EXOC4: variants seen among roughly 807,000 people sequenced by gnomAD.
EXOC4 encodes the protein SEC8-like 1.
In EXOC4, 71 loss-of-function variants were observed where a neutral mutation model predicts 107.2. That is an observed-to-expected ratio of 0.66 (90% confidence interval 0.55 to 0.81). The LOEUF (loss-of-function observed/expected upper bound fraction) is 0.81. EXOC4 is among the 30% of genes least tolerant of loss of function. The probability of loss-of-function intolerance (pLI) is 0.00; values close to 1 mark genes in which losing one functional copy is unlikely to be tolerated. For synonymous variants in EXOC4, 456 were observed against 441.2 expected, an observed-to-expected ratio of 1.03 and a Z score of -0.42; for missense variants, 1,108 against 1,189.6, an observed-to-expected ratio of 0.93 and a Z score of 1.01.
chr7:133,548,625 A>G (rs1459156561), intron 9 of EXOC4, among the ~76,000 whole-genome samples: 9 of 152,188 alleles, frequency 5.9e-5, no homozygotes, highest in Non-Finnish European at 1.5e-5. Context: ...CTTTTATGTT[A>G]TATAGATGGC....
intron 14 of EXOC4, among the ~76,000 whole-genome samples, chr7:133,963,579 A>G (rs769514311): frequency 2.0e-5 from 3 of 152,226 alleles, no homozygotes; most frequent in Non-Finnish European, 4.4e-5. Context: ...TGCAGTGTGA[A>G]GGATTTGGGG....
intron 5 of EXOC4, among the ~76,000 whole-genome samples, chr7:133,353,129 A>G (rs566605914): frequency 8.1e-4 from 124 of 152,264 alleles, no homozygotes; most frequent in African/African-American, 2.9e-3. Context: ...AAATCTTTTA[A>G]TATTTTAAAT....
chr7:133,753,627 C>T (rs1419226910), intron 10 of EXOC4, among the ~76,000 whole-genome samples: 27 of 152,172 alleles, frequency 1.8e-4, no homozygotes, highest in Non-Finnish European at 3.8e-4. Context: ...AAGAATTTCT[C>T]CAGGTGAACA....
At chr7:134,100,021 C>G in the EXOC4 span, among the ~76,000 whole-genome samples, 2 of 152,098 alleles carry the variant, frequency 1.3e-5, no homozygotes, top group Non-Finnish European at 2.9e-5. Flanking sequence ...CATCACACTT[C>G]TGCACAGGTT....
intron 10 of EXOC4, among the ~76,000 whole-genome samples, chr7:133,800,536 A>G (rs1391012005): frequency 1.3e-5 from 2 of 152,182 alleles, no homozygotes; most frequent in Non-Finnish European, 2.9e-5. Context: ...TTTTGTCCTC[A>G]TAAAGTAGTA....
chr7:133,504,674 T>G (rs1013715730), intron 9 of EXOC4, among the ~76,000 whole-genome samples: 1 of 152,132 alleles, frequency 6.6e-6, no homozygotes, highest in Non-Finnish European at 1.5e-5. Flanking sequence ...ATGATATAAT[T>G]AATCTTTAAT....
At chr7:134,031,316 CA>C (rs1228533815) in intron 17 of EXOC4, among the ~76,000 whole-genome samples, 5 of 152,106 alleles carry the variant, frequency 3.3e-5, no homozygotes, top group African/African-American at 9.7e-5. Flanking sequence ...AAAATAAGAG[CA>C]AAAACTGAGA....
chr7:133,974,217 GAA>G (rs1793773020), intron 14 of EXOC4, among the ~76,000 whole-genome samples: 1 of 152,198 alleles, frequency 6.6e-6, no homozygotes, highest in Non-Finnish European at 1.5e-5. Context: ...GGGAGTACAG[GAA>G]ACGGGCATCA....
At position 133,928,268 on chromosome 7, in the gene EXOC4, G is replaced by A. The variant is rs1563060331; in HGVS notation, c.2028-9623G>A. ...CAGTGGTCACCTGTGCCATTGTGGTGGTGGGCAGGATGCCTGTGATCAAGC... is the reference window on the plus strand; with the variant it reads ...CAGTGGTCACCTGTGCCATTGTGGTAGTGGGCAGGATGCCTGTGATCAAGC... On this transcript the variant is annotated intron_variant, in intron 13 of 17. Transcript: ENST00000253861. Among the ~76,000 whole-genome samples, 3 of 152,156 alleles carry A rather than the reference G, an allele frequency of 2.0e-5. 1 individual carries two copies. In the South Asian group the frequency reaches 6.2e-4, roughly 31 times the overall value.
chr7:134,003,907 G>A (rs1292457472), intron 15 of EXOC4, among the ~76,000 whole-genome samples: 2 of 152,086 alleles, frequency 1.3e-5, no homozygotes, highest in Non-Finnish European at 2.9e-5. Context: ...CTGCCAAAAA[G>A]CACCTGAGAA....
chr7:133,922,963 A>C (rs1410510028), intron 13 of EXOC4, among the ~76,000 whole-genome samples: 1 of 149,610 alleles, frequency 6.7e-6, no homozygotes, highest in Non-Finnish European at 1.5e-5. Flanking sequence ...ACTATTTCAC[A>C]TAGTGCTATT....
chr7:133,856,369 A>G (rs1055711137), intron 11 of EXOC4, among the ~76,000 whole-genome samples: 3 of 152,232 alleles, frequency 2.0e-5, no homozygotes, highest in South Asian at 4.1e-4. Flanking sequence ...CCAAATGCCT[A>G]AGCACCTGGA....
intron 5 of EXOC4, among the ~76,000 whole-genome samples, chr7:133,342,441 A>C (rs186737827): frequency 5.5e-4 from 83 of 152,258 alleles, no homozygotes; most frequent in African/African-American, 2.0e-3. Flanking sequence ...CTTTTGCCTC[A>C]CAGCTGTTAA....
chr7:133,822,470 G>A (rs1219547037), intron 11 of EXOC4, among the ~76,000 whole-genome samples: 2 of 152,108 alleles, frequency 1.3e-5, no homozygotes, highest in Non-Finnish European at 2.9e-5. Flanking sequence ...GTGAACAAAT[G>A]GTACAAGCAA....
At chr7:134,057,240 CT>C (rs1444308280) in intron 17 of EXOC4, among the ~76,000 whole-genome samples, 2 of 152,126 alleles carry the variant, frequency 1.3e-5, no homozygotes, top group African/African-American at 4.8e-5. Flanking sequence ...CTATCTTTAC[CT>C]CTTGAATGAT....
At chr7:134,005,736 T>C (rs1794629961) in intron 16 of EXOC4, among the ~76,000 whole-genome samples, 1 of 152,212 alleles carries the variant, frequency 6.6e-6, no homozygotes, top group Non-Finnish European at 1.5e-5. Context: ...TTTGTCCATG[T>C]TTTGGTTTGT....
intron 10 of EXOC4, among the ~76,000 whole-genome samples, chr7:133,726,090 A>G (rs1488380835): frequency 6.6e-6 from 1 of 152,200 alleles, no homozygotes; most frequent in Non-Finnish European, 1.5e-5. Flanking sequence ...GTGAGGACTG[A>G]GATCTGGACT....
At chr7:133,832,788 T>C (rs1270071852) in intron 11 of EXOC4, among the ~76,000 whole-genome samples, 1 of 152,214 alleles carries the variant, frequency 6.6e-6, no homozygotes, top group East Asian at 1.9e-4. Context: ...TGTGAGGATA[T>C]AAGCTTTCAA....
the EXOC4 span, among the ~76,000 whole-genome samples, chr7:134,086,348 T>C: frequency 2.0e-5 from 3 of 152,230 alleles, 1 homozygote; most frequent in South Asian, 6.2e-4. Context: ...GTTGACCTCA[T>C]GTGACAGGTC....
Sources: allele counts gnomAD v4.1 joint callset (sites outside exome capture counted in the v4.1 genomes callset), GRCh38; gene constraint gnomAD v4.1.1; transcripts MANE v1.5; gene names NCBI Gene and HGNC (gene_info 2026-07-23, HGNC 2026-07-21).